Variants in WAC observed in about 807,000 individuals in gnomAD.
WAC encodes WW domain containing adaptor with coiled-coil, also known as WW domain-containing adapter protein with coiled-coil.
In WAC, 11 loss-of-function variants were observed where a neutral mutation model predicts 79.6. That is an observed-to-expected ratio of 0.14 (90% CI 0.09 to 0.23). The LOEUF (loss-of-function observed/expected upper bound fraction) is 0.23, where lower values mean the gene tolerates loss of function less well. WAC is among the 10% of genes least tolerant of loss of function. The probability of loss-of-function intolerance (pLI) is 1.00; values close to 1 mark genes in which losing one functional copy is unlikely to be tolerated. For missense variants in WAC, 728 were observed against 773.5 expected, an observed-to-expected ratio of 0.94 and a Z score of 0.70; for synonymous variants, 304 against 276.9, an observed-to-expected ratio of 1.10 and a Z score of -0.97.
In WAC at chr10:28,616,157, C is replaced by G. The variant is rs781382664; in HGVS notation, c.1557-16C>G. ...ACTACTTTTAAACATACTACACATT[C>G]AATTCTGTTTTCTAGTAGCCAGAGA... On this transcript the variant is annotated splice_polypyrimidine_tract_variant and intron_variant, in intron 11 of 13. Coordinates refer to ENST00000354911, the MANE Select transcript of WAC (RefSeq NM_016628.5). 1.1e-5 allele frequency: 17 copies of G among 1,566,564 alleles called. No homozygotes were observed. The highest frequency in any genetic ancestry group is 1.5e-5 in the Non-Finnish European group (17 of 1,150,464).
intron 3 of WAC, among the ~76,000 whole-genome samples, chr10:28,570,370 T>C (rs1838879648): frequency 6.6e-6 from 1 of 152,226 alleles, no homozygotes. Context: ...AGATGATGTT[T>C]ATATTCTTGG....
At chr10:28,545,653 T>G (rs1478174094) in intron 3 of WAC, among the ~76,000 whole-genome samples, 1 of 152,208 alleles carries the variant, frequency 6.6e-6, no homozygotes, top group Non-Finnish European at 1.5e-5. Context: ...TTTGGCAAAT[T>G]GTGTAATGTG....
At position 28,589,789 on chromosome 10, in the gene WAC, G is replaced by A. The variant is rs773370983; in HGVS notation, c.435G>A (p.Lys145=). ...WSEHISSSGK[K]YYYNCRTEVS... is the part of the protein sequence containing the mutation. ...AGCATATTAGCTCTTCTGGGAAAAA[G>A]TACTACTACAATTGTCGAACAGAAG... The change falls in exon 5 of 14, where the codon AAG becomes AAA. Residue 145 remains lysine, a synonymous_variant. Coordinates refer to ENST00000354911, the MANE Select transcript of WAC (RefSeq NM_016628.5). The A allele has an allele frequency of 9.3e-6, 15 of 1,613,732 alleles. No individual in the cohort carries two copies. The South Asian group carries it at 1.5e-4, about 17-fold the overall frequency.
At chr10:28,545,320 TC>T (rs1438198931) in intron 3 of WAC, among the ~76,000 whole-genome samples, 6 of 151,666 alleles carry the variant, frequency 4.0e-5, no homozygotes, top group African/African-American at 1.5e-4. Context: ...AAACCCCATC[TC>T]TACTAAAAAT....
At chr10:28,575,096 C>A (rs1161713136) in intron 3 of WAC, among the ~76,000 whole-genome samples, 2 of 152,042 alleles carry the variant, frequency 1.3e-5, no homozygotes, top group Non-Finnish European at 2.9e-5. Flanking sequence ...TAGAGGATAT[C>A]CTGTTTTTAA....
intron 3 of WAC, among the ~76,000 whole-genome samples, chr10:28,566,595 A>G (rs926938379): frequency 4.6e-5 from 7 of 152,110 alleles, no homozygotes; most frequent in African/African-American, 7.2e-5. Context: ...ATGTCTTCCT[A>G]TTGCTTTTAC....
intron 3 of WAC, among the ~76,000 whole-genome samples, chr10:28,582,113 C>G (rs1428193323): frequency 2.6e-5 from 4 of 152,174 alleles, no homozygotes; most frequent in African/African-American, 9.7e-5. Context: ...GTCTTTGAAT[C>G]TGCATGTAGT....
chr10:28,618,507 A>G (rs1841570517), intron 13 of WAC, among the ~76,000 whole-genome samples: 1 of 152,238 alleles, frequency 6.6e-6, no homozygotes, highest in Non-Finnish European at 1.5e-5. Flanking sequence ...GGGTTCTTAT[A>G]GTCAGATTGC....
chr10:28,550,963 A>G (rs1355214010), intron 3 of WAC, among the ~76,000 whole-genome samples: 1 of 152,184 alleles, frequency 6.6e-6, no homozygotes, highest in Non-Finnish European at 1.5e-5. Context: ...GACATTTTAA[A>G]TTTTGCAGTT....
At chr10:28,581,238 CTTTTTTTTTTTTTTTTTT>C (rs71391053) in intron 3 of WAC, among the ~76,000 whole-genome samples, 5 of 66,118 alleles carry the variant, frequency 7.6e-5, no homozygotes, top group East Asian at 5.2e-4. Context: ...ATGAGCGATT[CTTTTTTTTTTTTTTTTTT>C]TTTTTTTTTT....
intron 3 of WAC, among the ~76,000 whole-genome samples, chr10:28,553,527 G>A (rs898253813): frequency 1.1e-4 from 17 of 152,058 alleles, no homozygotes; most frequent in African/African-American, 3.9e-4. Flanking sequence ...TATTTTAAAT[G>A]TATGGCTTTT....
chr10:28,592,049 A>G (rs1391765562), intron 6 of WAC, among the ~76,000 whole-genome samples: 1 of 152,152 alleles, frequency 6.6e-6, no homozygotes, highest in Non-Finnish European at 1.5e-5. Flanking sequence ...TTTAAGATGA[A>G]ACAGTAACAT....
rs772604017 is a variant in WAC at position 28,614,558 on chromosome 10, A to G, written c.1438-9A>G. 1 of 1,610,302 alleles carries G rather than the reference A, an allele frequency of 6.2e-7. No homozygotes were observed. The highest frequency in any genetic ancestry group is 1.1e-5 in the South Asian group (1 of 90,930). ...TTGGAGACCATCTCACCAGATTTTG[A>G]CATTTCAGGTTAGTACTCCAGTAGT... On this transcript the variant is annotated splice_polypyrimidine_tract_variant and intron_variant, in intron 10 of 13. Transcript: ENST00000354911.
chr10:28,536,904 A>T (rs575773719), intron 3 of WAC, among the ~76,000 whole-genome samples: 20 of 152,352 alleles, frequency 1.3e-4, no homozygotes, highest in Non-Finnish European at 2.5e-4. Flanking sequence ...GAAACTCAGT[A>T]AAGTACCATG....
chr10:28,596,476 A>G (rs1840374719), intron 7 of WAC, among the ~76,000 whole-genome samples: 1 of 152,164 alleles, frequency 6.6e-6, no homozygotes, highest in South Asian at 2.1e-4. Context: ...TGATTAGAAA[A>G]TTAAGTTGTG....
intron 3 of WAC, among the ~76,000 whole-genome samples, chr10:28,544,213 A>C (rs1452552712): frequency 6.6e-6 from 1 of 152,046 alleles, no homozygotes; most frequent in African/African-American, 2.4e-5. Context: ...ATTGTTTCGC[A>C]TTGTGTTCCC....
chr10:28,574,591 C>G (rs1470903831), intron 3 of WAC, among the ~76,000 whole-genome samples: 1 of 151,120 alleles, frequency 6.6e-6, no homozygotes, highest in Non-Finnish European at 1.5e-5. Flanking sequence ...TACAGGCACA[C>G]AGCACCGCAC....
At chr10:28,545,292 A>C (rs968991413) in intron 3 of WAC, among the ~76,000 whole-genome samples, 3 of 152,084 alleles carry the variant, frequency 2.0e-5, no homozygotes, top group African/African-American at 4.8e-5. Flanking sequence ...GGGAGAGACC[A>C]GCCTGACCAA....
intron 3 of WAC, among the ~76,000 whole-genome samples, chr10:28,550,130 C>G (rs1210464573): frequency 1.3e-5 from 2 of 150,414 alleles, no homozygotes; most frequent in African/African-American, 4.9e-5. Context: ...GATCACACCA[C>G]TGCACTCCAG....
Sources: allele counts gnomAD v4.1 joint callset (sites outside exome capture counted in the v4.1 genomes callset), GRCh38; gene constraint gnomAD v4.1.1; transcripts MANE v1.5; gene names NCBI Gene and HGNC (gene_info 2026-07-23, HGNC 2026-07-21).